GALNTL6: variants seen among roughly 807,000 people sequenced by gnomAD.
GALNTL6 encodes polypeptide N-acetylgalactosaminyltransferase like 6.
A neutral mutation model predicts 73.7 loss-of-function variants in GALNTL6; 46 were observed. That is an observed-to-expected ratio of 0.62 (90% CI 0.49 to 0.80). GALNTL6 has a LOEUF of 0.80. Among genes scored for constraint, GALNTL6 ranks in the 30% least tolerant of loss-of-function variants. GALNTL6 has a pLI of 0.00. For synonymous variants in GALNTL6, 259 were observed against 263.7 expected (o/e 0.98, Z 0.17); for missense variants, 604 against 755.0 (o/e 0.80, Z 2.34).
At chr4:172,071,432 CT>C (rs1731531519) in intron 2 of GALNTL6, among the ~76,000 whole-genome samples, 1 of 110,230 alleles carries the variant, frequency 9.1e-6, no homozygotes, top group South Asian at 2.6e-4. Context: ...GTCAGAACCC[CT>C]GTGTCTTACG....
At chr4:171,906,155 G>A (rs1275081073) in intron 2 of GALNTL6, among the ~76,000 whole-genome samples, 1 of 150,558 alleles carries the variant, frequency 6.6e-6, no homozygotes, top group African/African-American at 2.4e-5. Context: ...GAGCAGAACT[G>A]AAGGAAATAG....
chr4:172,456,039 G>A (rs953687435), intron 5 of GALNTL6, among the ~76,000 whole-genome samples: 3 of 152,156 alleles, frequency 2.0e-5, no homozygotes, highest in Non-Finnish European at 4.4e-5. Context: ...AGCCTCTGCT[G>A]GTGATACTCA....
chr4:172,132,330 A>C (rs556039388), intron 2 of GALNTL6, among the ~76,000 whole-genome samples: 1 of 152,134 alleles, frequency 6.6e-6, no homozygotes, highest in South Asian at 2.1e-4. Context: ...ATATATTTTT[A>C]TTTTTTGAAC....
chr4:172,276,442 A>G (rs1738835355), intron 3 of GALNTL6, among the ~76,000 whole-genome samples: 1 of 152,202 alleles, frequency 6.6e-6, no homozygotes, highest in Non-Finnish European at 1.5e-5. Flanking sequence ...AAAGTGAACT[A>G]TTTTAAAATT....
intron 2 of GALNTL6, among the ~76,000 whole-genome samples, chr4:171,967,459 T>TGTTTTTTTG (rs1560863224): frequency 2.8e-4 from 43 of 151,154 alleles, no homozygotes; most frequent in African/African-American, 1.0e-3. Flanking sequence ...TTTTTTTTTT[T>TGTTTTTTTG]TTTTTTGTAG....
At chr4:172,178,812 C>T (rs1321314790) in intron 2 of GALNTL6, among the ~76,000 whole-genome samples, 1 of 104,092 alleles carries the variant, frequency 9.6e-6, no homozygotes, top group Non-Finnish European at 1.9e-5. Context: ...CCCCTCCCCC[C>T]ACCCCACAAC....
At position 172,188,672 on chromosome 4, in the gene GALNTL6, A is replaced by G. The variant is rs905024124; in HGVS notation, c.139-40984A>G. On this transcript the variant is annotated intron_variant, in intron 2 of 12. Transcript: ENST00000506823. ...CTAATTTAGATTACACTATCTGGGA[A>G]GCCATCTCTGAGCAAATGATAGTGA... 4.6e-5 allele frequency among the ~76,000 whole-genome samples: 7 copies of G among 152,344 alleles called. No homozygotes were observed. In the East Asian group the frequency reaches 1.4e-3, roughly 29 times the overall value.
At chr4:172,851,347 G>C (rs1743807484) in intron 7 of GALNTL6, among the ~76,000 whole-genome samples, 1 of 151,888 alleles carries the variant, frequency 6.6e-6, no homozygotes, top group African/African-American at 2.4e-5. Context: ...CAAGGGTTTA[G>C]AAGCTTTGTG....
intron 10 of GALNTL6, among the ~76,000 whole-genome samples, chr4:173,005,967 A>G (rs1187689004): frequency 6.6e-6 from 1 of 152,212 alleles, no homozygotes; most frequent in Non-Finnish European, 1.5e-5. Flanking sequence ...TTTTGAGCTC[A>G]TAACATTTAA....
At chr4:172,156,555 A>ATATATAG (rs1553997735) in intron 2 of GALNTL6, among the ~76,000 whole-genome samples, 4 of 136,440 alleles carry the variant, frequency 2.9e-5, no homozygotes, top group African/African-American at 1.2e-4. Context: ...ATATATATAT[A>ATATATAG]TATATATATA....
Position 172,429,210 on chromosome 4 carries a change from T to A in GALNTL6, c.553+80521T>A, listed in dbSNP as rs149264906. On this transcript the variant is annotated intron_variant, in intron 5 of 12. Coordinates refer to ENST00000506823, the MANE Select transcript of GALNTL6 (RefSeq NM_001034845.3). ...TTTATTTTATATTATTTTATTTTAT[T>A]TTATTTTATTTTATTTTTTGAGACT... Among the ~76,000 whole-genome samples, 1,155 of 147,762 alleles carry A rather than the reference T, an allele frequency of 7.8e-3. 12 individuals carry two copies. The highest frequency in any genetic ancestry group is 0.028 in the African/African-American group (1,087 of 39,276).
chr4:172,739,373 A>T (rs1007783850), intron 5 of GALNTL6, among the ~76,000 whole-genome samples: 1 of 152,164 alleles, frequency 6.6e-6, no homozygotes. Flanking sequence ...CAGGAAGTTC[A>T]TGCTCATTTG....
At chr4:172,764,216 C>T (rs1421811269) in intron 5 of GALNTL6, among the ~76,000 whole-genome samples, 1 of 152,154 alleles carries the variant, frequency 6.6e-6, no homozygotes, top group Non-Finnish European at 1.5e-5. Flanking sequence ...CCTTCGTCTC[C>T]CAAAGTGCTG....
intron 2 of GALNTL6, among the ~76,000 whole-genome samples, chr4:172,026,342 C>G (rs538935232): frequency 2.7e-4 from 41 of 152,098 alleles, no homozygotes; most frequent in Non-Finnish European, 5.3e-4. Flanking sequence ...ACTTTGATGT[C>G]ATCAATAATG....
chr4:172,641,713 ATAT>A (rs1426935715), intron 5 of GALNTL6, among the ~76,000 whole-genome samples: 40 of 152,160 alleles, frequency 2.6e-4, no homozygotes, highest in Middle Eastern at 3.4e-3. Flanking sequence ...TTTATGTAAC[ATAT>A]TATCAAATTT....
chr4:172,185,728 C>T (rs1302984678), intron 2 of GALNTL6, among the ~76,000 whole-genome samples: 1 of 152,132 alleles, frequency 6.6e-6, no homozygotes, highest in Non-Finnish European at 1.5e-5. Context: ...GTCATACCCT[C>T]CATTTCTGTT....
chr4:171,961,278 C>T (rs1275561100), intron 2 of GALNTL6, among the ~76,000 whole-genome samples: 1 of 152,140 alleles, frequency 6.6e-6, no homozygotes, highest in Non-Finnish European at 1.5e-5. Context: ...CCTTGTCTAA[C>T]AGTCCCTGTA....
chr4:172,530,655 C>T (rs2110845370), intron 5 of GALNTL6, among the ~76,000 whole-genome samples: 1 of 152,098 alleles, frequency 6.6e-6, no homozygotes, highest in East Asian at 1.9e-4. Context: ...ATCAGTAGTT[C>T]CTTGTGGTTG....
At chr4:172,641,020 C>T (rs1284162952) in intron 5 of GALNTL6, among the ~76,000 whole-genome samples, 2 of 152,048 alleles carry the variant, frequency 1.3e-5, no homozygotes, top group African/African-American at 4.8e-5. Context: ...GGTCAAAAAA[C>T]CTTAGAATCC....
Sources: gnomAD v4.1 joint callset for allele counts (sites outside exome capture counted in the v4.1 genomes callset) on GRCh38, gnomAD v4.1.1 for gene constraint, MANE v1.5 for transcripts, NCBI Gene and HGNC (gene_info 2026-07-23, HGNC 2026-07-21) for gene names.